The following DOC2B variants were observed in gnomAD, a reference collection of about 807,000 sequenced individuals.
The protein encoded by DOC2B is double C2 domain beta, also known as double C2-like domain-containing protein beta.
In DOC2B, 21 loss-of-function variants were observed where a neutral mutation model predicts 28.9. The ratio of observed to expected loss-of-function variants is 0.73; its 90% confidence interval spans 0.52 to 1.05. The LOEUF is 1.05. Among genes scored for constraint, DOC2B ranks in the 50% least tolerant of loss-of-function variants. The pLI is 0.00. For synonymous variants in DOC2B, 194 were observed against 178.1 expected (o/e 1.09, Z -0.71); for missense variants, 384 against 421.1 (o/e 0.91, Z 0.77).
chr17:169,178 G>A (rs2040283779), intron 2 of DOC2B, among the ~76,000 whole-genome samples: 1 of 152,092 alleles, frequency 6.6e-6, no homozygotes, highest in African/African-American at 2.4e-5. Flanking sequence ...TGCTGCAATG[G>A]GGATGAAGCC....
rs943553899 is a variant in DOC2B at position 148,582 on chromosome 17, G to T, written c.1006-313C>A. On this transcript the variant is annotated intron_variant, in intron 7 of 8. Transcript: ENST00000613549. ...CTGGGCCTCTCTGGGGCCTGGCTTT[G>T]CTGACCCCTCCCTTCTCTGTGGGAC... Among the ~76,000 whole-genome samples, 792 of 152,172 alleles carry T rather than the reference G, an allele frequency of 5.2e-3. 5 individuals are homozygous for T. The highest frequency in any genetic ancestry group is 0.015 in the Admixed American group (233 of 15,288).
chr17:176,080 G>T (rs1442566276), intron 1 of DOC2B, among the ~76,000 whole-genome samples: 2 of 152,188 alleles, frequency 1.3e-5, no homozygotes, highest in East Asian at 3.9e-4. Context: ...TTAGAGAAAT[G>T]AGGCTCAGAG....
intron 5 of DOC2B, among the ~76,000 whole-genome samples, chr17:161,200 A>G (rs113975923): frequency 1.9e-4 from 29 of 152,036 alleles, no homozygotes; most frequent in African/African-American, 7.0e-4. Context: ...GTCATCCCCC[A>G]TGATCCCTCA....
chr17:164,529 A>G (rs7210283), intron 2 of DOC2B, among the ~76,000 whole-genome samples: 117,323 of 152,018 alleles, frequency 0.77, 45,526 homozygotes, highest in East Asian at 0.86. Context: ...AGGCCCTGCC[A>G]TCATCCTGAC....
chr17:168,866 T>A (rs1326570935), intron 2 of DOC2B, among the ~76,000 whole-genome samples: 1 of 152,260 alleles, frequency 6.6e-6, no homozygotes, highest in Non-Finnish European at 1.5e-5. Flanking sequence ...CAGCCACGTG[T>A]AACGGCAAGT....
chr17:154,252 CCA>C (rs2040106605), intron 6 of DOC2B, among the ~76,000 whole-genome samples: 1 of 149,088 alleles, frequency 6.7e-6, no homozygotes, highest in Non-Finnish European at 1.5e-5. Flanking sequence ...GGCTGATATT[CCA>C]CGCACCCGCT....
At chr17:156,089 C>T in intron 6 of DOC2B, 131 bp downstream of exon 6, 2 of 1,035,880 alleles carry the variant, frequency 1.9e-6, no homozygotes, top group South Asian at 1.7e-5. Flanking sequence ...GGTAGCCCAT[C>T]AGGGAACACA....
At chr17:173,212 C>T (rs928227717) in intron 1 of DOC2B, among the ~76,000 whole-genome samples, 10 of 152,216 alleles carry the variant, frequency 6.6e-5, no homozygotes, top group East Asian at 1.9e-4. Flanking sequence ...TCCCAAAAGC[C>T]GGGGGGAGGG....
At chr17:149,369 G>A (rs996189101) in intron 6 of DOC2B, among the ~76,000 whole-genome samples, 177 bp from the exon 7 acceptor site, 6 of 152,042 alleles carry the variant, frequency 3.9e-5, no homozygotes, top group African/African-American at 1.5e-4. Flanking sequence ...CGTTGTTTTC[G>A]AGAAGCAAGT....
intron 1 of DOC2B, among the ~76,000 whole-genome samples, chr17:177,079 A>AAAG (rs1035596900): frequency 2.0e-5 from 3 of 150,596 alleles, no homozygotes; most frequent in African/African-American, 7.3e-5. Context: ...AAATACTTTA[A>AAAG]AAAAAACAAA....
chr17:181,454 T>C lies in DOC2B; in HGVS notation c.26A>G (p.Lys9Arg). 1 of 1,138,852 alleles carries C rather than the reference T, an allele frequency of 8.8e-7. No individual in the cohort carries two copies. The highest frequency in any genetic ancestry group is 1.1e-6 in the Non-Finnish European group (1 of 916,870). 70.5% of individuals were successfully genotyped at this position (1,138,852 alleles called of 1,614,324 possible). A position where few individuals can be genotyped will look rare whatever the true frequency, so the allele number is the denominator to read the frequency against. The change falls in exon 1 of 9, where the codon AAG becomes AGG. Residue 9 changes from lysine (K) to arginine (R), a missense_variant. Coordinates refer to ENST00000613549, the MANE Select transcript of DOC2B (RefSeq NM_003585.5). This position sits in a 1 kb window ranked among gnomAD's most constrained non-coding sequence, Gnocchi z 7.0. MTLRRRGE[K>R]ATISIQEHMA... ...ATGCTCCTGGATGCTGATGGTCGCC[T>C]TCTCCCCGCGCCGCCGGAGGGTCAT...
intron 4 of DOC2B, 113 bp from the exon 5 acceptor site, chr17:161,654 G>A (rs2040206222): frequency 6.7e-7 from 1 of 1,495,626 alleles, no homozygotes; most frequent in Non-Finnish European, 9.0e-7. Flanking sequence ...CCCTGCCCTG[G>A]TCTGGGGTGG....
intron 5 of DOC2B, among the ~76,000 whole-genome samples, chr17:157,936 G>A (rs1053049858): frequency 3.9e-5 from 6 of 152,204 alleles, no homozygotes; most frequent in Non-Finnish European, 8.8e-5. Context: ...GGAGCCTGGT[G>A]GATGGAAAAG....
At chr17:174,582 C>T (rs933331868) in intron 1 of DOC2B, among the ~76,000 whole-genome samples, 2 of 152,190 alleles carry the variant, frequency 1.3e-5, no homozygotes, top group Non-Finnish European at 2.9e-5. Context: ...GATGACTCTT[C>T]CGTATGTCAC....
chr17:155,837 G>C (rs927581252), intron 6 of DOC2B, among the ~76,000 whole-genome samples: 8 of 152,202 alleles, frequency 5.3e-5, no homozygotes, highest in Non-Finnish European at 1.2e-4. Flanking sequence ...AGTTGCAAAG[G>C]CCTGGCAGAG....
rs1286780181 is a variant in DOC2B at position 146,929 on chromosome 17, C to A, written c.*512G>T. 1 of 153,288 alleles carries A rather than the reference C, an allele frequency of 6.5e-6. No homozygotes were observed. Among genetic ancestry groups the A allele is most frequent in the Admixed American group, 6.5e-5 (1 of 15,320 alleles). 9.5% of individuals were successfully genotyped at this position (153,288 alleles called of 1,614,324 possible). On this transcript the variant is annotated 3_prime_UTR_variant, in exon 9 of 9. Transcript: ENST00000613549. ...CATCAGGAGCCTCCGGGAACTCTGGCAGACTTTCGGCCGGCAGGCCCGCTT... is the reference window on the plus strand; with the variant it reads ...CATCAGGAGCCTCCGGGAACTCTGGAAGACTTTCGGCCGGCAGGCCCGCTT...
chr17:172,016 G>A (rs989834382), intron 2 of DOC2B, among the ~76,000 whole-genome samples: 2 of 151,998 alleles, frequency 1.3e-5, no homozygotes, highest in African/African-American at 4.8e-5. Context: ...AGGCTGCAGA[G>A]GGGTCCACAG....
rs770987974 is a variant in DOC2B at position 179,398 on chromosome 17, C to CAAAAAA, written c.373+1703_373+1708dup. ...CCTTGCTTTGTGGGTTCAGAGACAG[C>CAAAAAA]AAAAAAAAGAAAAAGAAAAAGCCTC... On this transcript the variant is annotated intron_variant, in intron 1 of 8. Transcript: ENST00000613549. Among the ~76,000 whole-genome samples the CAAAAAA allele has an allele frequency of 1.3e-4, 18 of 139,046 alleles. 2 individuals carry two copies. Among genetic ancestry groups the CAAAAAA allele is most frequent in the East Asian group, 4.4e-4 (2 of 4,534 alleles). The allele number at this position is 139,046 out of a possible 152,430, so 91.2% of individuals were successfully genotyped here.
intron 1 of DOC2B, among the ~76,000 whole-genome samples, chr17:179,780 C>G (rs1016750551): frequency 0.041 from 938 of 23,144 alleles, 12 homozygotes; most frequent in African/African-American, 0.077. Context: ...AGCCCCCACG[C>G]CCCAGGGCAG....
Sources: allele counts gnomAD v4.1 joint callset (sites outside exome capture counted in the v4.1 genomes callset), GRCh38; gene constraint gnomAD v4.1.1; non-coding constraint Gnocchi (gnomAD v3.1); transcripts MANE v1.5; gene names NCBI Gene and HGNC (gene_info 2026-07-23, HGNC 2026-07-21).